DAB1: variants seen among roughly 807,000 people sequenced by gnomAD.
The protein encoded by DAB1 is disabled homolog 1.
In DAB1, 15 loss-of-function variants were observed where a neutral mutation model predicts 64.6. The ratio of observed to expected loss-of-function variants is 0.23; its 90% confidence interval spans 0.16 to 0.36. The LOEUF (loss-of-function observed/expected upper bound fraction) is 0.36. Among genes scored for constraint, DAB1 ranks in the 10% least tolerant of loss-of-function variants. The pLI is 1.00. For synonymous variants in DAB1, 235 were observed against 251.9 expected (o/e 0.93, Z 0.64); for missense variants, 596 against 706.7 (o/e 0.84, Z 1.78).
At chr1:58,018,820 C>T (rs1432163142) in intron 5 of DAB1, among the ~76,000 whole-genome samples, 2 of 152,046 alleles carry the variant, frequency 1.3e-5, no homozygotes, top group African/African-American at 4.8e-5. Context: ...TTATAAAACT[C>T]CTATGGGTAA....
intron 5 of DAB1, among the ~76,000 whole-genome samples, chr1:57,915,199 C>T (rs977769684): frequency 2.0e-5 from 3 of 150,060 alleles, no homozygotes; most frequent in African/African-American, 7.3e-5. Context: ...AAATGTGTTT[C>T]TTTGGAGAAT....
intron 5 of DAB1, among the ~76,000 whole-genome samples, chr1:58,082,241 T>C (rs2100594252): frequency 6.6e-6 from 1 of 152,322 alleles, no homozygotes; most frequent in South Asian, 2.1e-4. Flanking sequence ...AATCTGCTTT[T>C]CCTTTAAGTT....
chr1:58,345,189 C>T (rs944996357), intron 3 of DAB1, among the ~76,000 whole-genome samples: 2 of 152,116 alleles, frequency 1.3e-5, no homozygotes, highest in Non-Finnish European at 2.9e-5. Flanking sequence ...AATTTAAGGC[C>T]CTCCCAGACC....
chr1:57,534,269 C>A (rs1342467327), intron 7 of DAB1, among the ~76,000 whole-genome samples: 1 of 152,138 alleles, frequency 6.6e-6, no homozygotes, highest in African/African-American at 2.4e-5. Context: ...AATAACTCAA[C>A]AAGAGGTCCC....
intron 5 of DAB1, among the ~76,000 whole-genome samples, chr1:58,024,227 G>T (rs1381045878): frequency 6.6e-6 from 1 of 152,108 alleles, no homozygotes; most frequent in South Asian, 2.1e-4. Context: ...CAACATAAAG[G>T]CCTGTGTATC....
At chr1:57,365,254 TTA>T (rs1484628898) in intron 1 of DAB1, among the ~76,000 whole-genome samples, 1 of 141,476 alleles carries the variant, frequency 7.1e-6, no homozygotes, top group South Asian at 2.1e-4. Flanking sequence ...TATTTATATA[TTA>T]TATAAAGAAT....
At chr1:57,438,602 AGAG>A (rs1348308826) in intron 7 of DAB1, among the ~76,000 whole-genome samples, 4 of 152,162 alleles carry the variant, frequency 2.6e-5, no homozygotes, top group Admixed American at 6.5e-5. Context: ...AGGAGGAGGA[AGAG>A]GAGGAGGAGA....
intron 7 of DAB1, among the ~76,000 whole-genome samples, chr1:57,646,970 G>A (rs1646199180): frequency 6.6e-6 from 1 of 152,134 alleles, no homozygotes; most frequent in Admixed American, 6.6e-5. Flanking sequence ...GCTCTTCTGG[G>A]CTTATTTCTG....
At chr1:58,419,692 T>C in intron 3 of DAB1, among the ~76,000 whole-genome samples, 1 of 152,250 alleles carries the variant, frequency 6.6e-6, no homozygotes, top group East Asian at 1.9e-4. Flanking sequence ...ATTTGAGGAC[T>C]GGACAGTGGG....
intron 1 of DAB1, among the ~76,000 whole-genome samples, chr1:57,362,937 AC>A (rs1398648287): frequency 6.6e-6 from 1 of 152,152 alleles, no homozygotes; most frequent in Non-Finnish European, 1.5e-5. Context: ...TTCTCTTGAA[AC>A]CTTTCCATGA....
chr1:57,544,457 G>T (rs17115971), intron 7 of DAB1, among the ~76,000 whole-genome samples: 4 of 152,098 alleles, frequency 2.6e-5, no homozygotes, highest in Non-Finnish European at 4.4e-5. Context: ...GTTGTCTAAG[G>T]CCTCTGTACT....
intron 3 of DAB1, among the ~76,000 whole-genome samples, chr1:58,482,202 A>G (rs2100350694): frequency 6.6e-6 from 1 of 152,336 alleles, no homozygotes; most frequent in Non-Finnish European, 1.5e-5. Flanking sequence ...AGGGTGTGAC[A>G]CTGGAAAGAG....
intron 3 of DAB1, among the ~76,000 whole-genome samples, chr1:58,492,390 C>A (rs1645712457): frequency 6.6e-6 from 1 of 150,900 alleles, no homozygotes; most frequent in African/African-American, 2.4e-5. Flanking sequence ...CAAAAGCTAG[C>A]AGAAGGCAAG....
chr1:57,524,997 T>A (rs1344379266), intron 7 of DAB1, among the ~76,000 whole-genome samples: 1 of 152,196 alleles, frequency 6.6e-6, no homozygotes, highest in East Asian at 1.9e-4. Flanking sequence ...AAACACTATT[T>A]AGAGAAAATG....
intron 1 of DAB1, among the ~76,000 whole-genome samples, chr1:57,374,320 T>G (rs947198461): frequency 1.3e-5 from 2 of 152,206 alleles, no homozygotes; most frequent in Non-Finnish European, 2.9e-5. Context: ...CAGAATAAAA[T>G]TTTGTAATTT....
intron 3 of DAB1, among the ~76,000 whole-genome samples, chr1:57,140,731 T>G (rs1321916812): frequency 1.3e-5 from 2 of 152,134 alleles, no homozygotes; most frequent in Non-Finnish European, 2.9e-5. Flanking sequence ...CAGTTATACT[T>G]TTGAGACCTA....
chr1:57,859,274 A>G (rs1653898159), intron 1 of DAB1, among the ~76,000 whole-genome samples: 2 of 151,988 alleles, frequency 1.3e-5, no homozygotes, highest in Admixed American at 1.3e-4. Flanking sequence ...AGTGATTCGT[A>G]TTTGCTGCTC....
At chr1:58,078,019 G>C (rs1216023587) in intron 5 of DAB1, 2 of 152,242 alleles carry the variant, frequency 1.3e-5, no homozygotes, top group African/African-American at 4.8e-5. Context: ...CTACCTTTGG[G>C]CATGCCTGCT....
intron 12 of DAB1, 28 bp downstream of exon 12, chr1:57,014,854 GT>G: frequency 2.6e-6 from 4 of 1,520,674 alleles, no homozygotes; most frequent in Non-Finnish European, 3.5e-6. Context: ...CTCTCATTGG[GT>G]TTTATGTCTT....
Sources: allele counts gnomAD v4.1 joint callset (sites outside exome capture counted in the v4.1 genomes callset), GRCh38; gene constraint gnomAD v4.1.1; transcripts MANE v1.5; gene names NCBI Gene and HGNC (gene_info 2026-07-23, HGNC 2026-07-21).